Variants in ACSL3 observed in about 807,000 individuals in gnomAD.
ACSL3 encodes fatty acid CoA ligase Acsl3.
A neutral mutation model predicts 84.7 loss-of-function variants in ACSL3; 34 were observed. That is an observed-to-expected ratio of 0.40 (90% CI 0.31 to 0.53). The LOEUF (loss-of-function observed/expected upper bound fraction) is 0.53. Among genes scored for constraint, ACSL3 ranks in the 20% least tolerant of loss-of-function variants. The probability of loss-of-function intolerance (pLI) is 0.48; values close to 1 mark genes in which losing one functional copy is unlikely to be tolerated. For missense variants in ACSL3, 680 were observed against 873.1 expected (o/e 0.78, Z 2.79); for synonymous variants, 315 against 299.4 (o/e 1.05, Z -0.54).
Position 222,919,156 on chromosome 2 carries a change from G to T in ACSL3, c.759G>T (p.Val253=), listed in dbSNP as rs752633642. 6 of 1,614,024 alleles carry T rather than the reference G, an allele frequency of 3.7e-6. No individual in the cohort carries two copies. The highest frequency in any genetic ancestry group is 1.3e-5 in the African/African-American group (1 of 74,932). The part of the protein sequence containing the change: ...TWSEFPKGII[V]HTMAAVEALG... Reference sequence around the variant, plus strand: ...CCGAGTTCCCCAAGGGCATCATTGTGCATACCATGGCTGCAGTGGAGGCCC... The same window carrying T: ...CCGAGTTCCCCAAGGGCATCATTGTTCATACCATGGCTGCAGTGGAGGCCC... Residue 253 remains valine, a synonymous_variant, in exon 7 of 17, where the codon GTG becomes GTT. Transcript: ENST00000357430.
chr2:222,892,395 T>G (rs1317543740), intron 2 of ACSL3, among the ~76,000 whole-genome samples: 4 of 152,204 alleles, frequency 2.6e-5, no homozygotes, highest in African/African-American at 9.6e-5. Flanking sequence ...GAAGCAAACA[T>G]GTTTGTGAGA....
intron 1 of ACSL3, among the ~76,000 whole-genome samples, chr2:222,875,717 C>T (rs774927513): frequency 7.9e-5 from 12 of 152,198 alleles, no homozygotes; most frequent in African/African-American, 1.7e-4. Flanking sequence ...TGCTGCTTGA[C>T]GGGTTGTTGA....
chr2:222,903,536 A>C (rs1696209382), intron 3 of ACSL3, among the ~76,000 whole-genome samples: 1 of 152,256 alleles, frequency 6.6e-6, no homozygotes, highest in Admixed American at 6.5e-5. Context: ...ATACTATATA[A>C]ATAAATGACA....
At chr2:222,913,282 T>C (rs2106121338) in intron 4 of ACSL3, among the ~76,000 whole-genome samples, 1 of 152,358 alleles carries the variant, frequency 6.6e-6, no homozygotes, top group Non-Finnish European at 1.5e-5. Flanking sequence ...ATGCCGTCTT[T>C]TGTGTTATTT....
chr2:222,862,714 A>AT (rs1553580615), intron 1 of ACSL3, among the ~76,000 whole-genome samples: 42 of 152,002 alleles, frequency 2.8e-4, no homozygotes, highest in South Asian at 6.2e-4. Context: ...TTGTATAAAA[A>AT]TATTGGTTTT....
chr2:222,883,694 C>T (rs1456901385), intron 1 of ACSL3, among the ~76,000 whole-genome samples: 1 of 35,258 alleles, frequency 2.8e-5, no homozygotes, highest in Non-Finnish European at 4.6e-5. Context: ...ATTTTTGCCT[C>T]TTTGTTCTTT....
At position 222,897,777 on chromosome 2, in the gene ACSL3, T is replaced by C. The variant is rs1696026398; in HGVS notation, c.-147-2897T>C. Among the ~76,000 whole-genome samples, 2 of 39,894 alleles carry C rather than the reference T, an allele frequency of 5.0e-5. 1 individual carries two copies. Among genetic ancestry groups the C allele is most frequent in the Non-Finnish European group, 7.9e-5 (2 of 25,402 alleles). 26.2% of individuals were successfully genotyped at this position (39,894 alleles called of 152,430 possible). On this transcript the variant is annotated intron_variant, in intron 2 of 16. Coordinates refer to ENST00000357430, the MANE Select transcript of ACSL3 (RefSeq NM_004457.5). Reference sequence around the variant, plus strand: ...TCCACCAAAAAAAAACGAAAACCAGTCAGGCGTGGTGACGCGCGCCTGCAA... The same window carrying C: ...TCCACCAAAAAAAAACGAAAACCAGCCAGGCGTGGTGACGCGCGCCTGCAA...
chr2:222,882,761 GTTTTTTT>G (rs71408540), intron 1 of ACSL3, among the ~76,000 whole-genome samples: 1 of 119,982 alleles, frequency 8.3e-6, no homozygotes, highest in African/African-American at 3.1e-5. Context: ...CCAGATCACT[GTTTTTTT>G]TTTTTTTTTT....
intron 16 of ACSL3, 147 bp downstream of exon 16, chr2:222,934,834 C>T (rs897497248): frequency 9.3e-5 from 72 of 775,296 alleles, no homozygotes; most frequent in Non-Finnish European, 1.3e-4. Flanking sequence ...ACTTATCAGT[C>T]CCCCATTCAA....
rs559493800 is a variant in ACSL3, at chr2:222,943,415, A to G, written c.*1761A>G. ...AGTGGGCGGAGAGAATTTGTTTCTG[A>G]TGCCTTGTCTTTAGAATAATTGTTT... On this transcript the variant is annotated 3_prime_UTR_variant, in exon 17 of 17. Transcript: ENST00000357430. The G allele has an allele frequency of 2.2e-5, 4 of 179,888 alleles. No individual in the cohort carries two copies. The highest frequency in any genetic ancestry group is 4.0e-4 in the South Asian group (2 of 5,062). 11.1% of individuals were successfully genotyped at this position (179,888 alleles called of 1,614,324 possible). A position where few individuals can be genotyped will look rare whatever the true frequency, so the allele number is the denominator to read the frequency against.
intron 16 of ACSL3, among the ~76,000 whole-genome samples, chr2:222,935,825 A>G (rs1265040049): frequency 1.3e-5 from 2 of 152,146 alleles, no homozygotes; most frequent in Non-Finnish European, 2.9e-5. Flanking sequence ...TAAGTGTACA[A>G]TTCAGTAATG....
chr2:222,870,898 T>TG (rs936090894), intron 1 of ACSL3, among the ~76,000 whole-genome samples: 1 of 152,106 alleles, frequency 6.6e-6, no homozygotes, highest in African/African-American at 2.4e-5. Flanking sequence ...TTGAGATTCT[T>TG]GAAGAGAGGA....
chr2:222,925,382 G>A (rs1376332914), intron 11 of ACSL3, among the ~76,000 whole-genome samples: 6 of 151,076 alleles, frequency 4.0e-5, no homozygotes, highest in African/African-American at 1.5e-4. Context: ...TGACATGGGA[G>A]GATTGCTTGA....
chr2:222,922,993 T>A, intron 9 of ACSL3, 85 bp from the exon 10 acceptor site: 1 of 1,351,108 alleles, frequency 7.4e-7, no homozygotes, highest in Non-Finnish European at 1.0e-6. Flanking sequence ...TAAAATAATT[T>A]ATAATAGGCT....
chr2:222,919,255 C>T, intron 7 of ACSL3, 53 bp downstream of exon 7: 1 of 1,585,024 alleles, frequency 6.3e-7, no homozygotes, highest in Non-Finnish European at 8.6e-7. Flanking sequence ...ACCACATTCT[C>T]CAGAATTATG....
rs553438861 is a variant in ACSL3 at position 222,882,364 on chromosome 2, C to G, written c.-206-5466C>G. Reference sequence around the variant, plus strand: ...CTACCTTCCTGTGTTTCTGAGACATCTGATGCCATTATGATTCTTACTTCT... The same window carrying G: ...CTACCTTCCTGTGTTTCTGAGACATGTGATGCCATTATGATTCTTACTTCT... On this transcript the variant is annotated intron_variant, in intron 1 of 16. Transcript: ENST00000357430. Among the ~76,000 whole-genome samples the G allele has an allele frequency of 2.3e-4, 35 of 152,260 alleles. No homozygotes were observed. In the South Asian group the frequency reaches 6.4e-3, roughly 28 times the overall value.
At chr2:222,863,022 T>G (rs1695052088) in intron 1 of ACSL3, among the ~76,000 whole-genome samples, 1 of 152,250 alleles carries the variant, frequency 6.6e-6, no homozygotes, top group South Asian at 2.1e-4. Context: ...CCCTGCTGTT[T>G]GGTTCCAGTT....
In ACSL3 at chr2:222,934,705, CTG is replaced by C; in HGVS notation, c.2005+19_2005+20del. ...TATTTCAGGTGAGTATTCGGTTAAA[CTG>C]ATACTAAAAACTGAGATGGGAAGAG... On this transcript the variant is annotated intron_variant, in intron 16 of 16. Coordinates refer to ENST00000357430, the MANE Select transcript of ACSL3 (RefSeq NM_004457.5). The C allele has an allele frequency of 6.2e-7, 1 of 1,600,826 alleles. No individual in the cohort carries two copies. The highest frequency in any genetic ancestry group is 8.5e-7 in the Non-Finnish European group (1 of 1,175,764).
rs146407739 is a variant in ACSL3 at position 222,940,217 on chromosome 2, A to G, written c.2006-1280A>G. Among the ~76,000 whole-genome samples the G allele has an allele frequency of 7.7e-3, 1,176 of 152,344 alleles. 7 individuals are homozygous for G. The highest frequency in any genetic ancestry group is 0.011 in the Non-Finnish European group (776 of 68,024). The stretch of plus-strand genomic sequence containing the variant: ...ACACAATAGTGAGCAAGCATTCTGT[A>G]TCCACATAGCTTGTAGGGAATATCC... On this transcript the variant is annotated intron_variant, in intron 16 of 16. Coordinates refer to ENST00000357430, the MANE Select transcript of ACSL3 (RefSeq NM_004457.5).
Sources: allele counts gnomAD v4.1 joint callset (sites outside exome capture counted in the v4.1 genomes callset), GRCh38; gene constraint gnomAD v4.1.1; transcripts MANE v1.5; gene names NCBI Gene and HGNC (gene_info 2026-07-23, HGNC 2026-07-21).